DOCK7: variants seen among roughly 807,000 people sequenced by gnomAD.
DOCK7 encodes dedicator of cytokinesis protein 7.
Under a neutral mutation model 271.0 loss-of-function variants are expected in DOCK7, and 138 were observed. The observed-to-expected ratio is 0.51, with a 90% CI of 0.44 to 0.59. The LOEUF (loss-of-function observed/expected upper bound fraction) is 0.59. Ranked by LOEUF, DOCK7 falls within the 20% of genes least tolerant of loss-of-function variation. The pLI is 0.00. For synonymous variants in DOCK7, 823 were observed against 876.1 expected (o/e 0.94, Z 1.07); for missense variants, 2,066 against 2,592.4 (o/e 0.80, Z 4.41).
At position 62,537,963 on chromosome 1, in the gene DOCK7, T is replaced by C. The variant is rs1046962808; in HGVS notation, c.3399A>G (p.Thr1133=). The C allele has an allele frequency of 4.3e-6, 7 of 1,613,972 alleles. No homozygotes were observed. In the African/African-American group the frequency reaches 8.0e-5, roughly 18 times the overall value. Reference sequence around the variant, plus strand: ...TAAGTAAGCTGCAGGGTAAGTTTAATGTAACATAGTGCTCATGACTGCAGA... The same window carrying C: ...TAAGTAAGCTGCAGGGTAAGTTTAACGTAACATAGTGCTCATGACTGCAGA... ...RIICSHEHYV[T]LNLPCSLLTP... The change falls in exon 28 of 50, where the codon ACA becomes ACG. Residue 1133 remains threonine (T), a synonymous_variant. Coordinates refer to ENST00000635253, the MANE Select transcript of DOCK7 (RefSeq NM_001367561.1).
intron 4 of DOCK7, 27 bp downstream of exon 4, chr1:62,653,698 A>C (rs371133249): frequency 4.3e-5 from 59 of 1,384,746 alleles, no homozygotes; most frequent in Non-Finnish European, 6.0e-5. Flanking sequence ...CAATATTTGT[A>C]AATGTTGTAA....
chr1:62,597,570 T>A (rs772988115), intron 14 of DOCK7: 1 of 1,612,500 alleles, frequency 6.2e-7, no homozygotes, highest in East Asian at 2.2e-5. Flanking sequence ...GATAAAAATG[T>A]TCACAATTAA....
intron 29 of DOCK7, among the ~76,000 whole-genome samples, chr1:62,531,624 G>A (rs1002059288): frequency 1.3e-5 from 2 of 152,122 alleles, no homozygotes; most frequent in African/African-American, 2.4e-5. Flanking sequence ...TTTCTAAAGA[G>A]CAAATCTTTC....
At chr1:62,558,057 C>G (rs1646204000) in intron 20 of DOCK7, among the ~76,000 whole-genome samples, 1 of 152,052 alleles carries the variant, frequency 6.6e-6, no homozygotes. Flanking sequence ...GCTATTTATT[C>G]CCTACAGAAA....
intron 12 of DOCK7, among the ~76,000 whole-genome samples, chr1:62,621,208 A>C (rs1653192807): frequency 6.6e-6 from 1 of 152,042 alleles, no homozygotes; most frequent in South Asian, 2.1e-4. Flanking sequence ...GGAAGAAACT[A>C]CTGTTAAGGA....
intron 20 of DOCK7, among the ~76,000 whole-genome samples, chr1:62,556,752 T>G (rs1646156422): frequency 6.6e-6 from 1 of 152,168 alleles, no homozygotes; most frequent in African/African-American, 2.4e-5. Flanking sequence ...CAGGAAATTA[T>G]GAAGAGATAA....
intron 1 of DOCK7, among the ~76,000 whole-genome samples, chr1:62,670,672 CTG>C (rs1328947441): frequency 6.6e-6 from 1 of 152,098 alleles, no homozygotes; most frequent in Admixed American, 6.5e-5. Flanking sequence ...TGTGGAAACT[CTG>C]TATCTAACTA....
intron 7 of DOCK7, among the ~76,000 whole-genome samples, chr1:62,645,423 A>C (rs1006097488): frequency 8.5e-5 from 13 of 152,118 alleles, no homozygotes; most frequent in African/African-American, 3.1e-4. Context: ...AAAAAAAAAA[A>C]CAAAAAGGAC....
chr1:62,654,330 T>C (rs1030783747), intron 2 of DOCK7, among the ~76,000 whole-genome samples, 171 bp from the exon 3 acceptor site: 5 of 152,202 alleles, frequency 3.3e-5, no homozygotes, highest in African/African-American at 1.2e-4. Context: ...AGTGTTACCC[T>C]TCTTGTACTC....
At chr1:62,487,726 C>G (rs996122107) in intron 42 of DOCK7, 4 of 232,676 alleles carry the variant, frequency 1.7e-5, no homozygotes, top group Non-Finnish European at 3.4e-5. Context: ...CACCAAGTAT[C>G]CAGGATAAAT....
At chr1:62,556,125 T>C (rs963426217) in intron 20 of DOCK7, 136 bp from the exon 21 acceptor site, 5 of 867,574 alleles carry the variant, frequency 5.8e-6, no homozygotes, top group South Asian at 1.8e-5. Flanking sequence ...ATGATTACTA[T>C]TTGATATTGA....
At chr1:62,459,716 C>G (rs1000935096) in intron 48 of DOCK7, among the ~76,000 whole-genome samples, 1 of 152,004 alleles carries the variant, frequency 6.6e-6, no homozygotes, top group African/African-American at 2.4e-5. Flanking sequence ...ACAACTGTCA[C>G]AAATCTATCT....
intron 47 of DOCK7, among the ~76,000 whole-genome samples, chr1:62,474,667 C>CGT (rs1172803615): frequency 6.6e-6 from 1 of 152,160 alleles, no homozygotes; most frequent in Admixed American, 6.5e-5. Context: ...AGACATGGTA[C>CGT]AGGAAATCTT....
intron 11 of DOCK7, among the ~76,000 whole-genome samples, chr1:62,625,703 C>T (rs1229560328): frequency 6.6e-6 from 1 of 152,114 alleles, no homozygotes; most frequent in Non-Finnish European, 1.5e-5. Context: ...AAAATGTTTA[C>T]CACAGGAAAA....
chr1:62,618,001 G>A (rs1194537759), intron 14 of DOCK7, among the ~76,000 whole-genome samples: 1 of 151,984 alleles, frequency 6.6e-6, no homozygotes, highest in Non-Finnish European at 1.5e-5. Context: ...ATACTAGGAT[G>A]GGGAAGTCTA....
chr1:62,456,325 A>G (rs1006506868), intron 49 of DOCK7, among the ~76,000 whole-genome samples: 3 of 152,216 alleles, frequency 2.0e-5, no homozygotes, highest in Non-Finnish European at 4.4e-5. Flanking sequence ...CTTAAATTCT[A>G]AAAAAGAGTG....
chr1:62,648,901 T>G (rs879782356), intron 4 of DOCK7, among the ~76,000 whole-genome samples: 17 of 151,972 alleles, frequency 1.1e-4, no homozygotes, highest in Admixed American at 7.2e-4. Flanking sequence ...TACACTGAAT[T>G]AAGAATAATA....
intron 16 of DOCK7, among the ~76,000 whole-genome samples, chr1:62,579,919 T>C (rs935505599): frequency 5.9e-5 from 9 of 152,116 alleles, no homozygotes; most frequent in African/African-American, 1.7e-4. Flanking sequence ...ATCAAATATC[T>C]TGTTTGACCA....
chr1:62,663,182 A>G, intron 1 of DOCK7, 52 bp from the exon 2 acceptor site: 1 of 1,359,656 alleles, frequency 7.4e-7, no homozygotes, highest in South Asian at 1.3e-5. Context: ...AAAAAAACTA[A>G]ACTAGTTTAA....
Sources: allele counts gnomAD v4.1 joint callset (sites outside exome capture counted in the v4.1 genomes callset), GRCh38; gene constraint gnomAD v4.1.1; transcripts MANE v1.5; gene names NCBI Gene and HGNC (gene_info 2026-07-23, HGNC 2026-07-21).